The following EHMT1 variants were observed in gnomAD, a reference collection of about 807,000 sequenced individuals.
EHMT1 encodes the protein histone-lysine N-methyltransferase EHMT1.
EHMT1 carries 15 observed loss-of-function variants against 147.2 expected under a neutral mutation model. The ratio of observed to expected loss-of-function variants is 0.10; its 90% CI spans 0.07 to 0.16. The LOEUF is 0.16. Ranked by LOEUF, EHMT1 falls within the 10% of genes least tolerant of loss-of-function variation. The pLI, the probability that EHMT1 is intolerant of heterozygous loss-of-function variation, is 1.00. For missense variants in EHMT1, 1,587 were observed against 1,772.4 expected, an observed-to-expected ratio of 0.90 and a Z score of 1.88; for synonymous variants, 795 against 709.6, an observed-to-expected ratio of 1.12 and a Z score of -1.91.
At chr9:137,780,175 T>A (rs191832044) in intron 14 of EHMT1, among the ~76,000 whole-genome samples, 13 of 111,720 alleles carry the variant, frequency 1.2e-4, no homozygotes, top group Admixed American at 2.7e-4. Context: ...GATGACGGCA[T>A]CACTGAGATG....
intron 1 of EHMT1, among the ~76,000 whole-genome samples, chr9:137,669,339 C>CTCA (rs60154034): frequency 0.17 from 1,762 of 10,312 alleles, 594 homozygotes; most frequent in Middle Eastern, 0.23. Flanking sequence ...AGCACGTGGA[C>CTCA]CCCACACCAC....
rs567126322 is a variant in EHMT1 at position 137,672,859 on chromosome 9, A to T, written c.22-38108A>T. ...CAGAGCAGTGTTGTGGAAACATTTAAAAAACAATCTCTGACATGAGTAGGA... is the reference window on the plus strand; with the variant it reads ...CAGAGCAGTGTTGTGGAAACATTTATAAAACAATCTCTGACATGAGTAGGA... On this transcript the variant is annotated intron_variant, in intron 1 of 26. Coordinates refer to ENST00000460843, the MANE Select transcript of EHMT1 (RefSeq NM_024757.5). Among the ~76,000 whole-genome samples the T allele has an allele frequency of 1.1e-4, 17 of 152,334 alleles. No homozygotes were observed. In the East Asian group the frequency reaches 3.3e-3, roughly 29 times the overall value.
intron 23 of EHMT1, chr9:137,816,417 A>G: frequency 2.8e-6 from 1 of 359,602 alleles, no homozygotes; most frequent in Non-Finnish European, 5.4e-6. Flanking sequence ...TTAATACTCC[A>G]GTCATTTTCT....
intron 1 of EHMT1, chr9:137,620,009 G>C (rs1436978220): frequency 6.6e-6 from 1 of 152,170 alleles, no homozygotes; most frequent in Non-Finnish European, 1.5e-5. Flanking sequence ...GAAAGTTAAG[G>C]TGTAGTAAGA....
At chr9:137,659,792 G>T (rs949181641) in intron 1 of EHMT1, among the ~76,000 whole-genome samples, 3 of 151,980 alleles carry the variant, frequency 2.0e-5, no homozygotes, top group Admixed American at 1.3e-4. Flanking sequence ...GCCCAGGCTG[G>T]TCTCAAACTC....
rs867746566 is a variant in EHMT1 at position 137,786,039 on chromosome 9, T to A, written c.2382+3642T>A. 9.8e-5 allele frequency: 15 copies of A among 152,680 alleles called. No individual in the cohort carries two copies. Among genetic ancestry groups the A allele is most frequent in the African/African-American group, 2.6e-4 (11 of 41,594 alleles). The allele number at this position is 152,680 out of a possible 1,614,324, so 9.5% of individuals were successfully genotyped here. On this transcript the variant is annotated intron_variant, in intron 15 of 26. Coordinates refer to ENST00000460843, the MANE Select transcript of EHMT1 (RefSeq NM_024757.5). This position sits in a 1 kb window ranked among gnomAD's most constrained non-coding sequence, Gnocchi z 4.3. ...CTGAGTGGCCTGGCCCTGCCAGGGC[T>A]CCCTGCTGACTGCCTGTGCTCTGTG...
chr9:137,686,730 C>CTTT (rs34204547), intron 1 of EHMT1, among the ~76,000 whole-genome samples: 166 of 111,000 alleles, frequency 1.5e-3, no homozygotes, highest in Non-Finnish European at 2.1e-3. Context: ...CTCATTCTTT[C>CTTT]TTTTTTTTTT....
In EHMT1 at chr9:137,782,489, T is replaced by C. The variant is rs1475956783; in HGVS notation, c.2382+92T>C. ...CATACCACGTTCGCGGTTCTTCCAG[T>C]GTAAGAGTTCCGTAGTGCTGTGAAT... On this transcript the variant is annotated intron_variant, in intron 15 of 26. Coordinates refer to ENST00000460843, the MANE Select transcript of EHMT1 (RefSeq NM_024757.5). The surrounding 1 kb of genome is among the most constrained non-coding windows in gnomAD (Gnocchi z 5.7). The C allele has an allele frequency of 1.6e-6, 2 of 1,241,106 alleles. No individual in the cohort carries two copies. The highest frequency in any genetic ancestry group is 3.0e-5 in the African/African-American group (2 of 66,990). The allele number at this position is 1,241,106 out of a possible 1,614,324, so 76.9% of individuals were successfully genotyped here. A position where few individuals can be genotyped will look rare whatever the true frequency, so the allele number is the denominator to read the frequency against.
intron 1 of EHMT1, among the ~76,000 whole-genome samples, chr9:137,657,851 C>CT (rs34591563): frequency 0.26 from 38,109 of 147,914 alleles, 5,673 homozygotes; most frequent in African/African-American, 0.43. Context: ...CATCCTTCTA[C>CT]TTTTTTTTTT....
Position 137,752,430 on chromosome 9 carries a change from T to C in EHMT1, c.1248+22T>C, listed in dbSNP as rs1354854031. On this transcript the variant is annotated intron_variant, in intron 7 of 26. Transcript: ENST00000460843. ...CCTGGTAATGCCCAGCGCCTCCTCC[T>C]GCGTCTGTGCTGATGTAGAGGAGAT... The C allele has an allele frequency of 1.9e-6, 3 of 1,610,310 alleles. No individual in the cohort carries two copies. The African/African-American group carries it at 4.0e-5, about 21-fold the overall frequency.
chr9:137,647,233 A>T (rs576495564), intron 1 of EHMT1, among the ~76,000 whole-genome samples: 1 of 152,126 alleles, frequency 6.6e-6, no homozygotes, highest in Non-Finnish European at 1.5e-5. Context: ...TGAGCTATCC[A>T]GTCCTCTGTT....
At chr9:137,802,931 T>C in intron 18 of EHMT1, 1 of 1,232,622 alleles carries the variant, frequency 8.1e-7, no homozygotes, top group Non-Finnish European at 1.0e-6. Context: ...AGCCCTGAGC[T>C]GGTGGAAGGC....
intron 2 of EHMT1, among the ~76,000 whole-genome samples, chr9:137,711,556 T>C (rs1393261187): frequency 6.6e-6 from 1 of 152,098 alleles, no homozygotes; most frequent in Non-Finnish European, 1.5e-5. Context: ...TGGCAGACAC[T>C]TGGAGAACAG....
chr9:137,646,347 C>G (rs1844880788), intron 1 of EHMT1: 1 of 985,462 alleles, frequency 1.0e-6, no homozygotes, highest in East Asian at 1.1e-4. Flanking sequence ...GGTACCTGGC[C>G]TGAGGAACAT....
At chr9:137,814,344 A>G in intron 21 of EHMT1, 87 bp from the exon 22 acceptor site, 2 of 1,416,226 alleles carry the variant, frequency 1.4e-6, no homozygotes, top group Non-Finnish European at 2.0e-6. Flanking sequence ...ATCAGGGTTA[A>G]CAGAACTGGA....
intron 1 of EHMT1, among the ~76,000 whole-genome samples, chr9:137,708,573 C>T (rs947605118): frequency 4.6e-5 from 7 of 152,162 alleles, no homozygotes; most frequent in African/African-American, 1.7e-4. Flanking sequence ...AATGATACCG[C>T]TCATGTAATA....
chr9:137,640,221 C>T (rs1564530403), intron 1 of EHMT1, among the ~76,000 whole-genome samples: 1 of 152,148 alleles, frequency 6.6e-6, no homozygotes, highest in Non-Finnish European at 1.5e-5. Context: ...GGGTGTGAGC[C>T]ACCGTGCCTG....
intron 18 of EHMT1, chr9:137,803,112 A>T (rs1412795363): frequency 1.5e-5 from 18 of 1,229,324 alleles, no homozygotes; most frequent in Non-Finnish European, 1.7e-5. Context: ...CAGCCTGTCC[A>T]GGTGTCAGAG....
At chr9:137,619,079 CGGG>C in intron 1 of EHMT1, 30 bp downstream of exon 1, 1 of 723,510 alleles carries the variant, frequency 1.4e-6, no homozygotes, top group Non-Finnish European at 1.7e-6. Flanking sequence ...GGGGGCGGCG[CGGG>C]GGCGGCGGGC....
Sources: gnomAD v4.1 joint callset for allele counts (sites outside exome capture counted in the v4.1 genomes callset) on GRCh38, gnomAD v4.1.1 for gene constraint, Gnocchi (gnomAD v3.1) non-coding constraint, MANE v1.5 for transcripts, NCBI Gene and HGNC (gene_info 2026-07-23, HGNC 2026-07-21) for gene names.